Variants in KAZN observed in about 807,000 individuals in gnomAD.
KAZN encodes kazrin.
Under a neutral mutation model 87.4 loss-of-function variants are expected in KAZN, and 40 were observed. The observed-to-expected ratio is 0.46, with a 90% confidence interval of 0.36 to 0.60. The LOEUF (loss-of-function observed/expected upper bound fraction) is 0.60, where lower values mean the gene tolerates loss of function less well. Among genes scored for constraint, KAZN ranks in the 20% least tolerant of loss-of-function variants. The probability of loss-of-function intolerance (pLI) is 0.00; values close to 1 mark genes in which losing one functional copy is unlikely to be tolerated. For synonymous variants in KAZN, 466 were observed against 458.3 expected, an observed-to-expected ratio of 1.02 and a Z score of -0.22; for missense variants, 898 against 1,073.9, an observed-to-expected ratio of 0.84 and a Z score of 2.29.
At chr1:14,385,018 T>G (rs1261530478) in intron 2 of KAZN, among the ~76,000 whole-genome samples, 1 of 151,388 alleles carries the variant, frequency 6.6e-6, no homozygotes, top group Non-Finnish European at 1.5e-5. Flanking sequence ...TATTCAGAGA[T>G]TCAACTTCTT....
intron 2 of KAZN, among the ~76,000 whole-genome samples, chr1:14,195,542 C>CACAA (rs771601162): frequency 6.7e-6 from 1 of 148,532 alleles, no homozygotes; most frequent in South Asian, 2.1e-4. Flanking sequence ...CACACACACA[C>CACAA]AATCACTAAA....
chr1:14,601,486 T>C (rs901075828), intron 1 of KAZN, among the ~76,000 whole-genome samples: 3 of 152,190 alleles, frequency 2.0e-5, no homozygotes, highest in Non-Finnish European at 4.4e-5. Context: ...TTTTTGTTTT[T>C]TTCATAGCCT....
chr1:14,399,593 C>G (rs1356616343), intron 2 of KAZN, among the ~76,000 whole-genome samples: 1 of 152,104 alleles, frequency 6.6e-6, no homozygotes, highest in Non-Finnish European at 1.5e-5. Context: ...GGGGCGTGTA[C>G]TGGGTTTAGT....
At chr1:14,411,760 T>C (rs567436650) in intron 2 of KAZN, among the ~76,000 whole-genome samples, 23 of 151,838 alleles carry the variant, frequency 1.5e-4, no homozygotes, top group African/African-American at 5.3e-4. Flanking sequence ...CAACAGAAAA[T>C]CAAGCATCAA....
chr1:14,983,866 C>T (rs985580160), intron 2 of KAZN, among the ~76,000 whole-genome samples: 1 of 152,214 alleles, frequency 6.6e-6, no homozygotes, highest in Non-Finnish European at 1.5e-5. Context: ...CTCTTGAACC[C>T]GGGAGGTGGA....
chr1:13,944,860 T>C (rs1156647032), intron 1 of KAZN, among the ~76,000 whole-genome samples: 2 of 152,122 alleles, frequency 1.3e-5, no homozygotes, highest in Non-Finnish European at 1.5e-5. Context: ...AGTAATATAG[T>C]TGATATAAAC....
In KAZN at chr1:13,982,064, T is replaced by C. The variant is rs183439183; in HGVS notation, c.91+88308T>C. Among the ~76,000 whole-genome samples the C allele has an allele frequency of 9.2e-5, 14 of 152,286 alleles. No individual in the cohort carries two copies. The East Asian group carries it at 2.5e-3, about 27-fold the overall frequency. On this transcript the variant is annotated intron_variant, in intron 1 of 16. Coordinates refer to the KAZN transcript ENST00000636203. ...CCCTCAGAGAATAATTAGAGGAATA[T>C]TAGTACCTGATTTATTTCCATTGTT... is the stretch of plus-strand genomic sequence containing the variant.
chr1:14,071,205 T>C (rs149666796), intron 1 of KAZN, among the ~76,000 whole-genome samples: 1 of 152,122 alleles, frequency 6.6e-6, no homozygotes, highest in Non-Finnish European at 1.5e-5. Context: ...CAGGTGTCAC[T>C]CTTGCCTGCA....
intron 8 of KAZN, among the ~76,000 whole-genome samples, chr1:15,075,103 G>A (rs1017749485): frequency 1.3e-5 from 2 of 152,196 alleles, no homozygotes; most frequent in African/African-American, 4.8e-5. Context: ...GAGGGAGCAA[G>A]AGTTTGGGAG....
intron 2 of KAZN, among the ~76,000 whole-genome samples, chr1:14,298,955 G>A (rs569514150): frequency 5.3e-5 from 8 of 152,326 alleles, no homozygotes; most frequent in African/African-American, 1.9e-4. Context: ...CTGTGAGCAG[G>A]ACAATGAGCA....
intron 2 of KAZN, among the ~76,000 whole-genome samples, chr1:14,385,315 A>G (rs1478023851): frequency 2.0e-5 from 3 of 151,792 alleles, no homozygotes; most frequent in Admixed American, 6.6e-5. Context: ...TATTTCCTTC[A>G]GTTCTGCTCT....
intron 1 of KAZN, among the ~76,000 whole-genome samples, chr1:14,012,240 G>A (rs949241494): frequency 9.9e-5 from 15 of 152,168 alleles, no homozygotes; most frequent in Non-Finnish European, 1.2e-4. Context: ...TTTTGAAAAT[G>A]TTCATTAAAG....
At chr1:14,884,160 G>A (rs1308228522) in intron 1 of KAZN, among the ~76,000 whole-genome samples, 3 of 152,244 alleles carry the variant, frequency 2.0e-5, no homozygotes, top group Non-Finnish European at 2.9e-5. Flanking sequence ...TTGGGAGGCC[G>A]AGGCGGGTGG....
exon 1 of KAZN, chr1:13,892,861 C>A (rs576976046): frequency 6.6e-6 from 1 of 152,496 alleles, no homozygotes; most frequent in South Asian, 2.1e-4. Context: ...TGCATCGCCG[C>A]ACCGGGGTGG....
At chr1:14,882,800 C>A (rs2101106813) in intron 1 of KAZN, among the ~76,000 whole-genome samples, 1 of 152,188 alleles carries the variant, frequency 6.6e-6, no homozygotes, top group African/African-American at 2.4e-5. Flanking sequence ...TAAGACCTTT[C>A]CATGGATTAT....
At chr1:14,907,242 T>A (rs12741404) in intron 1 of KAZN, among the ~76,000 whole-genome samples, 57,681 of 150,550 alleles carry the variant, frequency 0.38, 12,303 homozygotes, top group Non-Finnish European at 0.46. Context: ...CCAAAAAAAA[T>A]ACAAAAACAA....
At position 15,078,450 on chromosome 1, in the gene KAZN, G is replaced by A. The variant is rs560703248; in HGVS notation, c.1222+12697G>A. On this transcript the variant is annotated intron_variant, in intron 8 of 14. Coordinates refer to ENST00000376030, the MANE Select transcript of KAZN (RefSeq NM_201628.3). ...TGATGGAACGAGGCCAAGAATTGGG[G>A]TCCAACAGACTGCACGACACTGCTT... Among the ~76,000 whole-genome samples, 29 of 152,206 alleles carry A rather than the reference G, an allele frequency of 1.9e-4. No homozygotes were observed. In the South Asian group the frequency reaches 6.0e-3, roughly 32 times the overall value.
At chr1:14,721,281 C>G (rs1232781085) in intron 1 of KAZN, among the ~76,000 whole-genome samples, 2 of 152,152 alleles carry the variant, frequency 1.3e-5, no homozygotes, top group African/African-American at 4.8e-5. Flanking sequence ...CTCACGAGAT[C>G]TGGTGGTTTT....
Position 14,068,140 on chromosome 1 carries a change from G to T in KAZN, c.92-112295G>T, listed in dbSNP as rs527502631. ...GATGTTCCCCCCCCCAACAATTGAG[G>T]TGTAATTTCCAAACATATTGATGCA... On this transcript the variant is annotated intron_variant, in intron 1 of 16. Transcript: ENST00000636203. 1.4e-4 allele frequency among the ~76,000 whole-genome samples: 21 copies of T among 152,160 alleles called. No individual in the cohort carries two copies. The South Asian group carries it at 4.4e-3, about 32-fold the overall frequency.
Sources: gnomAD v4.1 joint callset for allele counts (sites outside exome capture counted in the v4.1 genomes callset) on GRCh38, gnomAD v4.1.1 for gene constraint, MANE v1.5 for transcripts, NCBI Gene and HGNC (gene_info 2026-07-23, HGNC 2026-07-21) for gene names.